Variants in PAH observed in about 807,000 individuals in gnomAD.
PAH encodes the protein phenylalanine-4-hydroxylase.
PAH carries 64 observed loss-of-function variants against 62.0 expected under a neutral mutation model. The ratio of observed to expected loss-of-function variants is 1.03; its 90% CI spans 0.84 to 1.27. The LOEUF is 1.27. PAH is among the 50% of genes most tolerant of loss of function. PAH has a pLI of 0.00. For synonymous variants in PAH, 195 were observed against 196.2 expected (o/e 0.99, Z 0.05); for missense variants, 579 against 542.8 (o/e 1.07, Z -0.66).
At chr12:102,935,196 T>G (rs187906845) in intron 1 of PAH, among the ~76,000 whole-genome samples, 1 of 152,194 alleles carries the variant, frequency 6.6e-6, no homozygotes, top group East Asian at 1.9e-4. Context: ...GATGTATCAC[T>G]TTGATTGATA....
intron 12 of PAH, among the ~76,000 whole-genome samples, 158 bp downstream of exon 12, chr12:102,840,242 G>C (rs1189761246): frequency 6.6e-6 from 1 of 152,166 alleles, no homozygotes; most frequent in Non-Finnish European, 1.5e-5. Flanking sequence ...TTTTTGTCAA[G>C]TTCTTCTCCA....
chr12:102,858,592 A>T lies in PAH; in HGVS notation c.510-3260T>A, dbSNP rs1019191782. ...TTGGAAGTAAAGCACTCCTCAGCAA[A>T]TGTGAAAGAACAGAAAATATAACAA... On this transcript the variant is annotated intron_variant, in intron 5 of 12. Coordinates refer to ENST00000553106, the MANE Select transcript of PAH (RefSeq NM_000277.3). 2.6e-5 allele frequency among the ~76,000 whole-genome samples: 4 copies of T among 152,336 alleles called. No homozygotes were observed. In the East Asian group the frequency reaches 7.7e-4, roughly 29 times the overall value.
At chr12:102,952,512 A>G (rs1593009284), upstream of PAH, among the ~76,000 whole-genome samples, 1 of 152,198 alleles carries the variant, frequency 6.6e-6, no homozygotes, top group East Asian at 1.9e-4. Context: ...AAAAGTTTAG[A>G]ATGTATTGAT....
chr12:102,854,781 T>C, intron 6 of PAH: 1 of 366,990 alleles, frequency 2.7e-6, no homozygotes, highest in Non-Finnish European at 5.2e-6. Flanking sequence ...CACACACTCC[T>C]AACTCATAAC....
intron 2 of PAH, among the ~76,000 whole-genome samples, chr12:102,903,130 G>A (rs1304547003): frequency 6.6e-6 from 1 of 152,210 alleles, no homozygotes; most frequent in Non-Finnish European, 1.5e-5. Flanking sequence ...GGAGGCCAAG[G>A]CAGGTGGATC....
chr12:102,946,979 C>T (rs1705621854), intron 1 of PAH, among the ~76,000 whole-genome samples: 1 of 152,100 alleles, frequency 6.6e-6, no homozygotes, highest in Non-Finnish European at 1.5e-5. Context: ...GTGACTGTGA[C>T]ATTTAGTTAG....
chr12:102,948,950 T>C (rs1352295154), intron 1 of PAH, among the ~76,000 whole-genome samples: 3 of 152,078 alleles, frequency 2.0e-5, no homozygotes, highest in Non-Finnish European at 4.4e-5. Context: ...GGAGAAGAAT[T>C]AATGGAATAG....
Position 102,915,849 on chromosome 12 carries a change from G to A in PAH, c.60+1222C>T, listed in dbSNP as rs116130560. On this transcript the variant is annotated intron_variant, in intron 1 of 12. Transcript: ENST00000553106. ...TTTTAATTATAACTTTTCCCTAAAT[G>A]TGTCTGCAAATTCACATTTACTATA... is the stretch of plus-strand genomic sequence containing the variant. Among the ~76,000 whole-genome samples, 957 of 152,090 alleles carry A rather than the reference G, an allele frequency of 6.3e-3. 17 individuals are homozygous for A. The highest frequency in any genetic ancestry group is 0.022 in the African/African-American group (930 of 41,454).
chr12:102,924,222 A>G (rs1878627145), intron 1 of PAH, among the ~76,000 whole-genome samples: 1 of 152,202 alleles, frequency 6.6e-6, no homozygotes, highest in African/African-American at 2.4e-5. Context: ...CCTTACAGTG[A>G]GTATTGAATC....
At position 102,957,172 on chromosome 12, in the gene PAH, C is replaced by T. The variant is rs2136783622; in HGVS notation, c.-96+1023G>A. Reference sequence around the variant, plus strand: ...GAGAGAAAACAGGAAAAGTCGAGCCCCACTCCCTCCTCACCTCCACACCGT... The same window carrying T: ...GAGAGAAAACAGGAAAAGTCGAGCCTCACTCCCTCCTCACCTCCACACCGT... On this transcript the variant is annotated intron_variant, in intron 1 of 4. Coordinates refer to the PAH transcript ENST00000551337. This position sits in a 1 kb window ranked among gnomAD's most constrained non-coding sequence, Gnocchi z 4.1. Among the ~76,000 whole-genome samples the T allele has an allele frequency of 6.6e-6, 1 of 152,238 alleles. No homozygotes were observed. Among genetic ancestry groups the T allele is most frequent in the East Asian group, 1.9e-4 (1 of 5,170 alleles).
chr12:102,919,299 T>C (rs183114050), upstream of PAH, among the ~76,000 whole-genome samples: 5 of 152,328 alleles, frequency 3.3e-5, no homozygotes, highest in African/African-American at 7.2e-5. Flanking sequence ...CTCTTTTTTC[T>C]AATGTTTAAT....
At chr12:102,858,053 G>A (rs983226457) in intron 5 of PAH, among the ~76,000 whole-genome samples, 9 of 152,062 alleles carry the variant, frequency 5.9e-5, no homozygotes, top group South Asian at 4.2e-4. Context: ...GAGTCAAGAC[G>A]TATCAGTGTG....
chr12:102,942,068 C>A (rs941031136), intron 1 of PAH, among the ~76,000 whole-genome samples: 1 of 152,026 alleles, frequency 6.6e-6, no homozygotes, highest in African/African-American at 2.4e-5. Context: ...GAAGTCCTAG[C>A]CAGAGTAATC....
chr12:102,858,526 C>G (rs1003014769), intron 5 of PAH, among the ~76,000 whole-genome samples: 1 of 151,440 alleles, frequency 6.6e-6, no homozygotes, highest in African/African-American at 2.4e-5. Flanking sequence ...AATATACATT[C>G]TTCTCACCAC....
At chr12:102,848,912 G>A (rs1311788194) in intron 8 of PAH, among the ~76,000 whole-genome samples, 1 of 151,896 alleles carries the variant, frequency 6.6e-6, no homozygotes, top group East Asian at 1.9e-4. Context: ...CAAGGAGACT[G>A]GAGAGGCTGA....
chr12:102,958,427 G>A (rs1880009158), upstream of PAH: 2 of 1,548,524 alleles, frequency 1.3e-6, no homozygotes, highest in Non-Finnish European at 8.7e-7. Flanking sequence ...AGCAGCAGCA[G>A]CAGGCGCCGC....
rs147394969 is a variant in PAH, at chr12:102,932,922, T to C, written c.-95-15697A>G. On this transcript the variant is annotated intron_variant, in intron 1 of 3. Coordinates refer to the PAH transcript ENST00000546844. ...GGTCACATTACACATTGCACGCTTATACTCATGGAAAATAGGGTATCCTGT... is the reference window on the plus strand; with the variant it reads ...GGTCACATTACACATTGCACGCTTACACTCATGGAAAATAGGGTATCCTGT... Among the ~76,000 whole-genome samples, 910 of 152,350 alleles carry C rather than the reference T, an allele frequency of 6.0e-3. 9 individuals carry two copies. The highest frequency in any genetic ancestry group is 0.02 in the African/African-American group (841 of 41,588).
chr12:102,843,826 A>G, intron 10 of PAH, 47 bp from the exon 11 acceptor site: 6 of 1,599,830 alleles, frequency 3.8e-6, no homozygotes, highest in Non-Finnish European at 5.1e-6. Flanking sequence ...AATCAGGATC[A>G]GTATTCCCTG....
intron 5 of PAH, among the ~76,000 whole-genome samples, chr12:102,862,547 A>C (rs889225452): frequency 6.6e-6 from 1 of 152,304 alleles, no homozygotes; most frequent in Non-Finnish European, 1.5e-5. Flanking sequence ...CTTGAACTTA[A>C]AATGAAAGCT....
Sources: allele counts gnomAD v4.1 joint callset (sites outside exome capture counted in the v4.1 genomes callset), GRCh38; gene constraint gnomAD v4.1.1; non-coding constraint Gnocchi (gnomAD v3.1); transcripts MANE v1.5; gene names NCBI Gene and HGNC (gene_info 2026-07-23, HGNC 2026-07-21).